The following NRAP variants were observed in gnomAD, a reference collection of about 807,000 sequenced individuals.
NRAP encodes nebulin related anchoring protein.
In NRAP, 189 loss-of-function variants were observed where a neutral mutation model predicts 225.9. The ratio of observed to expected loss-of-function variants is 0.84; its 90% CI spans 0.74 to 0.94. NRAP has a LOEUF of 0.94. Ranked by LOEUF, NRAP falls within the 40% of genes least tolerant of loss-of-function variation. The probability of loss-of-function intolerance (pLI) is 0.00; values close to 1 mark genes in which losing one functional copy is unlikely to be tolerated. For missense variants in NRAP, 2,176 were observed against 2,168.7 expected (o/e 1.00, Z -0.07); for synonymous variants, 769 against 790.7 (o/e 0.97, Z 0.46).
chr10:113,641,214 C>A, intron 13 of NRAP, 151 bp downstream of exon 13: 1 of 510,224 alleles, frequency 2.0e-6, no homozygotes, highest in Non-Finnish European at 3.4e-6. Context: ...GTTGTATCCG[C>A]TAACATTTAG....
chr10:113,604,316 C>A (rs1846793415), intron 35 of NRAP, among the ~76,000 whole-genome samples: 2 of 152,080 alleles, frequency 1.3e-5, no homozygotes. Flanking sequence ...GGGGTTTCGC[C>A]ATGTTGGTCA....
At chr10:113,620,463 C>T (rs1246544091) in intron 25 of NRAP, 141 bp downstream of exon 25, 4 of 624,230 alleles carry the variant, frequency 6.4e-6, no homozygotes, top group Non-Finnish European at 8.5e-6. Flanking sequence ...CTCTAATTAC[C>T]AGCCCTAGTC....
In NRAP at chr10:113,612,792, T is replaced by C. The variant is rs184159963; in HGVS notation, c.3301-361A>G. On this transcript the variant is annotated intron_variant, in intron 29 of 41. Transcript: ENST00000359988. ...AAGATGCATCGCTCCCTGCCCACCA[T>C]ATTTTTTCCCATCGCCCACTCAAGT... Among the ~76,000 whole-genome samples the C allele has an allele frequency of 7.4e-4, 113 of 152,360 alleles. 1 individual carries two copies. Among genetic ancestry groups the C allele is most frequent in the African/African-American group, 2.6e-3 (110 of 41,598 alleles).
chr10:113,636,880 G>A (rs537771425), intron 14 of NRAP, among the ~76,000 whole-genome samples: 8 of 152,052 alleles, frequency 5.3e-5, no homozygotes, highest in East Asian at 1.9e-4. Flanking sequence ...GGTGGCTCGC[G>A]CCTGTAACCC....
At chr10:113,628,008 A>C (rs552419572) in intron 20 of NRAP, among the ~76,000 whole-genome samples, 3 of 152,292 alleles carry the variant, frequency 2.0e-5, no homozygotes, top group Non-Finnish European at 4.4e-5. Context: ...TGAAACAAGA[A>C]TCCTCTTGGA....
intron 41 of NRAP, 25 bp downstream of exon 41, chr10:113,589,641 G>T (rs778522668): frequency 6.2e-7 from 1 of 1,606,012 alleles, no homozygotes; most frequent in African/African-American, 1.3e-5. Flanking sequence ...GCAAGCCAGG[G>T]GTGGCTTTGC....
chr10:113,618,993 C>T (rs1564722401), intron 25 of NRAP, among the ~76,000 whole-genome samples: 1 of 152,130 alleles, frequency 6.6e-6, no homozygotes, highest in Non-Finnish European at 1.5e-5. Flanking sequence ...TCGACAGTAA[C>T]TTGTAAATGT....
intron 12 of NRAP, among the ~76,000 whole-genome samples, chr10:113,641,706 G>A (rs1849215346): frequency 6.6e-6 from 1 of 152,162 alleles, no homozygotes; most frequent in Non-Finnish European, 1.5e-5. Flanking sequence ...GGGATCAGAT[G>A]AGCATAGACA....
intron 28 of NRAP, 41 bp downstream of exon 28, chr10:113,614,798 T>G: frequency 8.4e-7 from 1 of 1,188,464 alleles, no homozygotes; most frequent in Non-Finnish European, 1.3e-6. Context: ...GAAAACGGGT[T>G]AGTGTTGAAC....
intron 28 of NRAP, 40 bp downstream of exon 28, chr10:113,614,799 A>T: frequency 8.4e-7 from 1 of 1,187,862 alleles, no homozygotes; most frequent in Non-Finnish European, 1.3e-6. Context: ...AAAACGGGTT[A>T]GTGTTGAACA....
At chr10:113,620,440 G>A (rs1360198560) in intron 25 of NRAP, among the ~76,000 whole-genome samples, 164 bp downstream of exon 25, 2 of 152,218 alleles carry the variant, frequency 1.3e-5, no homozygotes, top group Non-Finnish European at 2.9e-5. Flanking sequence ...TGTGTGTTTC[G>A]TACGTGGTTT....
At chr10:113,599,225 A>G (rs1846457870) in intron 35 of NRAP, among the ~76,000 whole-genome samples, 1 of 152,178 alleles carries the variant, frequency 6.6e-6, no homozygotes, top group Admixed American at 6.5e-5. Flanking sequence ...GCTGGCCTCA[A>G]AGAGGGTCCG....
At chr10:113,591,486 C>G (rs564828964) in intron 39 of NRAP, among the ~76,000 whole-genome samples, 1 of 152,222 alleles carries the variant, frequency 6.6e-6, no homozygotes, top group Admixed American at 6.5e-5. Context: ...GTCCAGTGAT[C>G]ACATGCTTGG....
intron 29 of NRAP, among the ~76,000 whole-genome samples, chr10:113,613,172 A>AT (rs1847435013): frequency 2.0e-5 from 3 of 151,934 alleles, no homozygotes; most frequent in African/African-American, 2.4e-5. Context: ...ACTTCCATTC[A>AT]TTCTGTCCTC....
chr10:113,589,133 C>A (rs1421073528), intron 41 of NRAP, 54 bp from the exon 42 acceptor site: 4 of 1,470,448 alleles, frequency 2.7e-6, no homozygotes, highest in Non-Finnish European at 3.8e-6. Context: ...ACCCCCACTC[C>A]CGGCCCCGGT....
chr10:113,623,291 C>T (rs114927380), intron 23 of NRAP, among the ~76,000 whole-genome samples: 127 of 152,290 alleles, frequency 8.3e-4, no homozygotes, highest in African/African-American at 2.7e-3. Flanking sequence ...CTTACTCTTG[C>T]TACTACTACA....
intron 20 of NRAP, 43 bp downstream of exon 20, chr10:113,628,874 G>C: frequency 9.4e-7 from 1 of 1,066,522 alleles, no homozygotes. Flanking sequence ...CATGTGTCAG[G>C]GGCTGAGGAC....
chr10:113,605,790 G>T lies in NRAP; in HGVS notation c.3887C>A (p.Ala1296Asp). 1 of 1,613,692 alleles carries T rather than the reference G, an allele frequency of 6.2e-7. No homozygotes were observed. The highest frequency in any genetic ancestry group is 8.5e-7 in the Non-Finnish European group (1 of 1,179,564). Residue 1296 changes from alanine to aspartate, a missense_variant, in exon 34 of 42, where the codon GCC becomes GAC. By Grantham distance (126) the Ala-to-Asp change is moderately radical (BLOSUM62 -2). This residue lies in a region of NRAP where 1,708 missense variants were observed against 1,695.5 expected (regional missense o/e 1.01). Transcript: ENST00000359988. Reference sequence around the variant, plus strand: ...ACTGGCTATATCTCCAGAGGCCCGGGCAGCCTGGAAGGGGAGCGCTTCTAT... The same window carrying T: ...ACTGGCTATATCTCCAGAGGCCCGGTCAGCCTGGAAGGGGAGCGCTTCTAT... ...LTIEALPFQAARASGDIASDF... is the reference protein window; with the variant it reads ...LTIEALPFQADRASGDIASDF...
chr10:113,595,041 A>G (rs1161796276), intron 38 of NRAP, among the ~76,000 whole-genome samples: 2 of 152,258 alleles, frequency 1.3e-5, no homozygotes, highest in East Asian at 3.8e-4. Context: ...AGGGGCCTCC[A>G]ACCCCTGCTA....
Sources: allele counts gnomAD v4.1 joint callset (sites outside exome capture counted in the v4.1 genomes callset), GRCh38; gene constraint gnomAD v4.1.1; regional missense constraint gnomAD v4.1.1; transcripts MANE v1.5; gene names NCBI Gene and HGNC (gene_info 2026-07-23, HGNC 2026-07-21).